Variants in NOTCH2NLA observed in about 807,000 individuals in gnomAD.
NOTCH2NLA encodes notch 2 N-terminal like A, also known as notch homolog 2 N-terminal-like protein A.
chr1:146,159,990 A>T (rs1334943624), intron 3 of NOTCH2NLA, among the ~76,000 whole-genome samples: 2 of 137,344 alleles, frequency 1.5e-5, no homozygotes, highest in African/African-American at 5.2e-5. Context: ...AAAAAAAAAA[A>T]AAAAAGGTGA....
chr1:146,228,568 T>C (rs1664328431), intron 1 of NOTCH2NLA, 141 bp downstream of exon 1: 1 of 1,358,054 alleles, frequency 7.4e-7, no homozygotes, highest in Admixed American at 2.6e-5. Context: ...GTCCAAACTC[T>C]CGGGAACCCA....
chr1:146,159,278 A>G (rs1287770681), intron 3 of NOTCH2NLA, among the ~76,000 whole-genome samples: 8 of 150,778 alleles, frequency 5.3e-5, no homozygotes, highest in Admixed American at 5.3e-4. Context: ...GAATCACTCG[A>G]ACCCAAGAGG....
chr1:146,185,038 TGTAAA>T lies in NOTCH2NLA; in HGVS notation c.38+4257_38+4261del, dbSNP rs1317291837. Among the ~76,000 whole-genome samples, 23 of 138,518 alleles carry T rather than the reference TGTAAA, an allele frequency of 1.7e-4. 5 individuals carry two copies. Among genetic ancestry groups the T allele is most frequent in the Admixed American group, 1.5e-3 (20 of 13,416 alleles). 90.9% of individuals were successfully genotyped at this position (138,518 alleles called of 152,430 possible). ...AAGTAATGTAAAACTACCATACATG[TGTAAA>T]GTAAAGGGAAGTCATACCCATGGTC... On this transcript the variant is annotated intron_variant, in intron 2 of 4. Transcript: ENST00000362074.
chr1:146,185,702 A>G lies in NOTCH2NLA; in HGVS notation c.38+3598T>C, dbSNP rs377143643. On this transcript the variant is annotated intron_variant, in intron 2 of 4. Transcript: ENST00000362074. ...ATAGTCAGATTCCTTCTATTTTAAA[A>G]CACTTTCTACCAGTTCCCATCCCAC... is the stretch of plus-strand genomic sequence containing the variant. 8.1e-3 allele frequency among the ~76,000 whole-genome samples: 1,046 copies of G among 128,596 alleles called. 57 individuals carry two copies. Among genetic ancestry groups the G allele is most frequent in the African/African-American group, 0.022 (841 of 38,984 alleles). 84.4% of individuals were successfully genotyped at this position (128,596 alleles called of 152,430 possible). A position where few individuals can be genotyped will look rare whatever the true frequency, so the allele number is the denominator to read the frequency against.
intron 2 of NOTCH2NLA, among the ~76,000 whole-genome samples, chr1:146,180,341 T>G (rs1553809034): frequency 1.4e-5 from 2 of 140,328 alleles, no homozygotes; most frequent in African/African-American, 5.1e-5. Context: ...CACCCATCAC[T>G]TAAATAATGT....
rs1663366551 is a variant in NOTCH2NLA at position 146,200,441 on chromosome 1, ATAT to A, written c.-44-11063_-44-11061del. Among the ~76,000 whole-genome samples, 4 of 19,572 alleles carry A rather than the reference ATAT, an allele frequency of 2.0e-4. 2 individuals carry two copies. In the South Asian group the frequency reaches 5.3e-3, roughly 26 times the overall value. 12.8% of individuals were successfully genotyped at this position (19,572 alleles called of 152,430 possible). A position where few individuals can be genotyped will look rare whatever the true frequency, so the allele number is the denominator to read the frequency against. On this transcript the variant is annotated intron_variant, in intron 1 of 4. Coordinates refer to ENST00000362074, the Ensembl canonical transcript of NOTCH2NLA. ...CTGCCTGAGAAAAAAAAAAAAAAAT[ATAT>A]ATATATATATATATTCCTGAACTTC... is the stretch of plus-strand genomic sequence containing the variant.
chr1:146,228,153 G>A (rs1208222415), intron 1 of NOTCH2NLA, among the ~76,000 whole-genome samples: 592 of 137,256 alleles, frequency 4.3e-3, no homozygotes, highest in African/African-American at 0.016. Flanking sequence ...ACTCAGGCGC[G>A]CCGCAAAACC....
At chr1:146,195,040 G>C (rs1437091815) in intron 1 of NOTCH2NLA, among the ~76,000 whole-genome samples, 3 of 106,856 alleles carry the variant, frequency 2.8e-5, no homozygotes, top group Admixed American at 1.9e-4. Context: ...TCCTCACAGG[G>C]CCACCCCCCC....
Position 146,174,400 on chromosome 1 carries a change from CT to C in NOTCH2NLA, c.39-9391del, listed in dbSNP as rs1209878010. On this transcript the variant is annotated intron_variant, in intron 2 of 4. Transcript: ENST00000362074. ...GGCTTTGCTGCAGCTCTGTCTTTAG[CT>C]TTTTTTTTTTTTTTTTTTTTTTTAA... Among the ~76,000 whole-genome samples, 667 of 95,762 alleles carry C rather than the reference CT, an allele frequency of 7.0e-3. 5 individuals carry two copies. Among genetic ancestry groups the C allele is most frequent in the Non-Finnish European group, 8.5e-3 (411 of 48,404 alleles). The allele number at this position is 95,762 out of a possible 152,430, so 62.8% of individuals were successfully genotyped here. A position where few individuals can be genotyped will look rare whatever the true frequency, so the allele number is the denominator to read the frequency against.
intron 3 of NOTCH2NLA, among the ~76,000 whole-genome samples, chr1:146,159,421 A>AAGAAAGAAAGAAAGAAAG (rs1661362579): frequency 6.7e-6 from 1 of 150,134 alleles, no homozygotes; most frequent in African/African-American, 2.5e-5. Flanking sequence ...GAAAGAAAGA[A>AAGAAAGAAAGAAAGAAAG]AGAAAGAAAG....
chr1:146,185,827 C>T (rs587715305), intron 2 of NOTCH2NLA, among the ~76,000 whole-genome samples: 1 of 135,746 alleles, frequency 7.4e-6, no homozygotes, highest in African/African-American at 2.5e-5. Flanking sequence ...AAGATAATCA[C>T]ATGCCCTGCA....
intron 1 of NOTCH2NLA, among the ~76,000 whole-genome samples, chr1:146,223,940 G>A (rs1476766688): frequency 2.2e-5 from 3 of 138,328 alleles, no homozygotes; most frequent in African/African-American, 5.4e-5. Context: ...GCACATGCCA[G>A]ACAAGTTCTG....
At chr1:146,186,427 T>C (rs1159824494) in intron 2 of NOTCH2NLA, among the ~76,000 whole-genome samples, 114 of 140,772 alleles carry the variant, frequency 8.1e-4, no homozygotes, top group East Asian at 2.8e-3. Context: ...CAATCTTGGC[T>C]CACTGCAAGC....
At position 146,228,500 on chromosome 1, in the gene NOTCH2NLA, G is replaced by C. The variant is rs1364624230; in HGVS notation, c.-45+209C>G. The stretch of plus-strand genomic sequence containing the variant: ...GGAGCAGAGGCGGCGGGGAACCCCG[G>C]CGGTTGGCGGGGAACCCCGGCGGTT... On this transcript the variant is annotated intron_variant, in intron 1 of 4. Transcript: ENST00000362074. 11 of 919,852 alleles carry C rather than the reference G, an allele frequency of 1.2e-5. No individual in the cohort carries two copies. In the African/African-American group the frequency reaches 2.1e-4, roughly 17 times the overall value. 57.0% of individuals were successfully genotyped at this position (919,852 alleles called of 1,614,324 possible). A position where few individuals can be genotyped will look rare whatever the true frequency, so the allele number is the denominator to read the frequency against.
At chr1:146,185,670 T>TA (rs1662723175) in intron 2 of NOTCH2NLA, among the ~76,000 whole-genome samples, 1 of 130,550 alleles carries the variant, frequency 7.7e-6, no homozygotes, top group African/African-American at 2.5e-5. Flanking sequence ...TTATGCTGTC[T>TA]AAACAGATAG....
chr1:146,180,564 T>G (rs1160740273), intron 2 of NOTCH2NLA, among the ~76,000 whole-genome samples: 1 of 143,176 alleles, frequency 7.0e-6, no homozygotes, highest in African/African-American at 2.4e-5. Context: ...AAATAGGATC[T>G]AGAAAATGTG....
At chr1:146,219,961 A>G (rs1176436985) in intron 1 of NOTCH2NLA, among the ~76,000 whole-genome samples, 4 of 58,430 alleles carry the variant, frequency 6.8e-5, no homozygotes, top group South Asian at 4.7e-4. Context: ...TTTTTCAAAC[A>G]TAATTACTTT....
intron 2 of NOTCH2NLA, among the ~76,000 whole-genome samples, chr1:146,185,719 C>G (rs1470288401): frequency 7.7e-6 from 1 of 129,410 alleles, no homozygotes; most frequent in Admixed American, 8.3e-5. Context: ...CTACCAGTTC[C>G]CATCCCACCA....
rs587771347 is a variant in NOTCH2NLA at position 146,174,768 on chromosome 1, A to G, written c.39-9758T>C. On this transcript the variant is annotated intron_variant, in intron 2 of 4. Coordinates refer to ENST00000362074, the Ensembl canonical transcript of NOTCH2NLA. ...GCAGCCTGCCCTAGCTGAGCTCTAG[A>G]GGGGGGAGCTGTCGTTAAGGTAAAT... Among the ~76,000 whole-genome samples the G allele has an allele frequency of 5.8e-4, 82 of 142,434 alleles. 8 individuals carry two copies. Among genetic ancestry groups the G allele is most frequent in the Non-Finnish European group, 9.6e-4 (60 of 62,186 alleles). The allele number at this position is 142,434 out of a possible 152,430, so 93.4% of individuals were successfully genotyped here. A position where few individuals can be genotyped will look rare whatever the true frequency, so the allele number is the denominator to read the frequency against.
Sources: gnomAD v4.1 joint callset for allele counts (sites outside exome capture counted in the v4.1 genomes callset) on GRCh38, gnomAD v4.1.1 for gene constraint, MANE v1.5 for transcripts, NCBI Gene and HGNC (gene_info 2026-07-23, HGNC 2026-07-21) for gene names.